Variants in GPR149 observed in about 807,000 individuals in gnomAD.
GPR149 encodes the protein probable G protein-coupled receptor 149.
A neutral mutation model predicts 50.2 loss-of-function variants in GPR149; 50 were observed. The ratio of observed to expected loss-of-function variants is 1.00; its 90% CI spans 0.79 to 1.26. The LOEUF (loss-of-function observed/expected upper bound fraction) is 1.26. GPR149 is among the 50% of genes most tolerant of loss of function. GPR149 has a pLI of 0.00. For missense variants in GPR149, 983 were observed against 895.4 expected (o/e 1.10, Z -1.25); for synonymous variants, 405 against 358.2 (o/e 1.13, Z -1.48).
chr3:154,337,876 G>T lies in GPR149; in HGVS notation c.2019C>A (p.Ser673=). 6.2e-7 allele frequency: 1 copy of T among 1,613,636 alleles called. No homozygotes were observed. The highest frequency in any genetic ancestry group is 8.5e-7 in the Non-Finnish European group (1 of 1,179,820). ...SCDLGETASY[S]LFLPTSNPDG... The stretch of plus-strand genomic sequence containing the variant: ...CAGGATTACTGGTGGGCAAAAAGAG[G>T]GAGTATGAGGCTGTTTCCCCTAGGT... The change falls in exon 4 of 4, where the codon TCC becomes TCA. Residue 673 remains serine (S), a synonymous_variant. Transcript: ENST00000389740.
chr3:154,420,487 C>T (rs1712109783), intron 3 of GPR149, among the ~76,000 whole-genome samples: 1 of 151,904 alleles, frequency 6.6e-6, no homozygotes, highest in Admixed American at 6.6e-5. Flanking sequence ...TTCGTAAGGG[C>T]TTGCAAATGC....
In GPR149 at chr3:154,337,623, C is replaced by T; in HGVS notation, c.*76G>A. Reference sequence around the variant, plus strand: ...TGTAAGCCAACAAATAAAAGGAAATCAGTCTCATAACAAAGGTGTTAGTTT... The same window carrying T: ...TGTAAGCCAACAAATAAAAGGAAATTAGTCTCATAACAAAGGTGTTAGTTT... On this transcript the variant is annotated 3_prime_UTR_variant, in exon 4 of 4. Transcript: ENST00000389740. 9.0e-7 allele frequency: 1 copy of T among 1,114,958 alleles called. No homozygotes were observed. Among genetic ancestry groups the T allele is most frequent in the Non-Finnish European group, 1.3e-6 (1 of 789,098 alleles). 69.1% of individuals were successfully genotyped at this position (1,114,958 alleles called of 1,614,324 possible).
chr3:154,354,898 C>T (rs1306792856), intron 3 of GPR149: 1 of 205,250 alleles, frequency 4.9e-6, no homozygotes, highest in Non-Finnish European at 1.1e-5. Flanking sequence ...TCAAATCACA[C>T]TGATATTGAA....
intron 3 of GPR149, among the ~76,000 whole-genome samples, chr3:154,393,349 T>G (rs145243632): frequency 6.6e-6 from 1 of 151,932 alleles, no homozygotes; most frequent in East Asian, 1.9e-4. Flanking sequence ...TCTTAATAGA[T>G]GCAAAAAAGC....
rs187527234 is a variant in GPR149 at position 154,422,370 on chromosome 3, A to G, written c.1175-883T>C. 4.9e-4 allele frequency among the ~76,000 whole-genome samples: 75 copies of G among 151,812 alleles called. 1 individual carries two copies. The East Asian group carries it at 0.011, about 22-fold the overall frequency. ...GCTAGATAAGTTTTATATATTAAGA[A>G]TGAAGTTATATCAAGGTGGTAGACA... is the stretch of plus-strand genomic sequence containing the variant. On this transcript the variant is annotated intron_variant, in intron 2 of 3. Transcript: ENST00000389740.
intron 2 of GPR149, among the ~76,000 whole-genome samples, chr3:154,426,365 A>C (rs1203129961): frequency 6.6e-6 from 1 of 152,192 alleles, no homozygotes; most frequent in East Asian, 1.9e-4. Flanking sequence ...ATTATATAAA[A>C]TAACTTTGTC....
chr3:154,405,585 C>CAAAA (rs33943436), intron 3 of GPR149, among the ~76,000 whole-genome samples: 158 of 82,942 alleles, frequency 1.9e-3, no homozygotes, highest in African/African-American at 4.3e-3. Context: ...AAGACTCCAT[C>CAAAA]AAAAAAAAAA....
At chr3:154,383,925 C>T (rs1714992772) in intron 3 of GPR149, among the ~76,000 whole-genome samples, 1 of 152,122 alleles carries the variant, frequency 6.6e-6, no homozygotes, top group Non-Finnish European at 1.5e-5. Flanking sequence ...AAAAGCAGAC[C>T]TTTACCAGAC....
intron 3 of GPR149, among the ~76,000 whole-genome samples, chr3:154,405,592 A>AG (rs1711663730): frequency 1.3e-5 from 2 of 149,528 alleles, no homozygotes; most frequent in African/African-American, 5.0e-5. Context: ...CATCAAAAAA[A>AG]AAAAAAAAAA....
In GPR149 at chr3:154,429,218, G is replaced by C. The variant is rs753849596; in HGVS notation, c.398C>G (p.Thr133Arg). 19 of 1,614,042 alleles carry C rather than the reference G, an allele frequency of 1.2e-5. No homozygotes were observed. The highest frequency in any genetic ancestry group is 1.7e-5 in the Admixed American group (1 of 60,004). ...CTGGCTCCCCACACCTCTGTGCATCGTATAAAAGTTGTAAGAGACTAGGAG... is the reference window on the plus strand; with the variant it reads ...CTGGCTCCCCACACCTCTGTGCATCCTATAAAAGTTGTAAGAGACTAGGAG... Reference protein sequence around the residue: ...ATLLVSYNFYTMHRGVGSQTA... With the variant: ...ATLLVSYNFYRMHRGVGSQTA... The change falls in exon 1 of 4, where the codon ACG (threonine) becomes AGG (arginine). Residue 133 changes from threonine (T) to arginine (R), a missense_variant. Thr to Arg is a moderately conservative substitution (Grantham distance 71). Transcript: ENST00000389740.
At chr3:154,345,984 T>TCGC (rs1445707123) in intron 3 of GPR149, among the ~76,000 whole-genome samples, 2 of 152,356 alleles carry the variant, frequency 1.3e-5, no homozygotes, top group African/African-American at 4.8e-5. Flanking sequence ...GTGCTCTTTC[T>TCGC]ATTATTTGTA....
At chr3:154,339,353 A>G (rs1037526063) in intron 3 of GPR149, among the ~76,000 whole-genome samples, 3 of 152,236 alleles carry the variant, frequency 2.0e-5, no homozygotes, top group Non-Finnish European at 4.4e-5. Context: ...GTTGTAGTCC[A>G]GAAAAAAAGG....
At chr3:154,402,123 T>C (rs1157993910) in intron 3 of GPR149, among the ~76,000 whole-genome samples, 1 of 152,330 alleles carries the variant, frequency 6.6e-6, no homozygotes, top group South Asian at 2.1e-4. Context: ...TCCTTGCTAC[T>C]GCAGAAGTGC....
Position 154,429,781 on chromosome 3 carries a change from G to T in GPR149, c.-166C>A. The stretch of plus-strand genomic sequence containing the variant: ...GGTCAGCCATGTCTCCTTTAGATCT[G>T]ACTCAAGCTATATTTAAAAATTAGG... On this transcript the variant is annotated 5_prime_UTR_variant, in exon 1 of 4. Transcript: ENST00000389740. 2.0e-6 allele frequency: 1 copy of T among 510,572 alleles called. No homozygotes were observed. The highest frequency in any genetic ancestry group is 3.4e-6 in the Non-Finnish European group (1 of 293,226). The allele number at this position is 510,572 out of a possible 1,614,324, so 31.6% of individuals were successfully genotyped here.
Position 154,429,021 on chromosome 3 carries a change from C to T in GPR149, c.595G>A (p.Ala199Thr), listed in dbSNP as rs1377523094. 2 of 1,614,042 alleles carry T rather than the reference C, an allele frequency of 1.2e-6. No individual in the cohort carries two copies. Among genetic ancestry groups the T allele is most frequent in the Non-Finnish European group, 1.7e-6 (2 of 1,180,008 alleles). Reference sequence around the variant, plus strand: ...CCCACGAGGAGTCCGAAGGCCAAAGCGTACACGATAGAGAGGAATAGTACG... The same window carrying T: ...CCCACGAGGAGTCCGAAGGCCAAAGTGTACACGATAGAGAGGAATAGTACG... Reference protein sequence around the residue: ...SYVLFLSIVYALAFGLLVGLS... With the variant: ...SYVLFLSIVYTLAFGLLVGLS... Residue 199 changes from alanine (A) to threonine (T), a missense_variant, in exon 1 of 4, where the codon GCT (alanine) becomes ACT (threonine). Transcript: ENST00000389740.
intron 3 of GPR149, among the ~76,000 whole-genome samples, chr3:154,384,497 C>T (rs969153310): frequency 6.6e-6 from 1 of 152,170 alleles, no homozygotes; most frequent in African/African-American, 2.4e-5. Context: ...AACTCTAATA[C>T]TCTGGAGACA....
chr3:154,343,228 A>C (rs189356160), intron 3 of GPR149, among the ~76,000 whole-genome samples: 49 of 152,360 alleles, frequency 3.2e-4, no homozygotes, highest in Non-Finnish European at 6.3e-4. Context: ...ATTCACAGAC[A>C]TACAAGCATA....
rs1713684323 is a variant in GPR149, at chr3:154,337,622, T to C, written c.*77A>G. ...ATGTAAGCCAACAAATAAAAGGAAATCAGTCTCATAACAAAGGTGTTAGTT... is the reference window on the plus strand; with the variant it reads ...ATGTAAGCCAACAAATAAAAGGAAACCAGTCTCATAACAAAGGTGTTAGTT... On this transcript the variant is annotated 3_prime_UTR_variant, in exon 4 of 4. Transcript: ENST00000389740. 1 of 1,115,198 alleles carries C rather than the reference T, an allele frequency of 9.0e-7. No individual in the cohort carries two copies. Among genetic ancestry groups the C allele is most frequent in the Non-Finnish European group, 1.3e-6 (1 of 788,184 alleles). 69.1% of individuals were successfully genotyped at this position (1,115,198 alleles called of 1,614,324 possible).
chr3:154,357,230 T>C (rs2108392987), intron 3 of GPR149, among the ~76,000 whole-genome samples: 1 of 152,182 alleles, frequency 6.6e-6, no homozygotes, highest in African/African-American at 2.4e-5. Flanking sequence ...ATAAAAACCC[T>C]AGAAGAAAAC....
Sources: gnomAD v4.1 joint callset for allele counts (sites outside exome capture counted in the v4.1 genomes callset) on GRCh38, gnomAD v4.1.1 for gene constraint, MANE v1.5 for transcripts, NCBI Gene and HGNC (gene_info 2026-07-23, HGNC 2026-07-21) for gene names.